Variants in APLF observed in about 807,000 individuals in gnomAD.
The protein encoded by APLF is aprataxin and PNKP like factor, also known as aprataxin and PNK-like factor.
In APLF, 61 loss-of-function variants were observed where a neutral mutation model predicts 55.6. That is an observed-to-expected ratio of 1.10 (90% CI 0.89 to 1.36). The LOEUF (loss-of-function observed/expected upper bound fraction) is 1.36. APLF is among the 40% of genes most tolerant of loss of function. The pLI is 0.00. For missense variants in APLF, 611 were observed against 602.5 expected (o/e 1.01, Z -0.15); for synonymous variants, 207 against 214.8 (o/e 0.96, Z 0.32).
At chr2:68,479,600 G>T (rs2103885176) in intron 1 of APLF, among the ~76,000 whole-genome samples, 1 of 152,280 alleles carries the variant, frequency 6.6e-6, no homozygotes, top group African/African-American at 2.4e-5. Flanking sequence ...TGTGGCAGAA[G>T]GGTTACGTTT....
At chr2:68,553,530 T>C (rs1046910670) in intron 8 of APLF, among the ~76,000 whole-genome samples, 2 of 152,142 alleles carry the variant, frequency 1.3e-5, no homozygotes, top group Non-Finnish European at 2.9e-5. Context: ...ATGCCCAGTG[T>C]ATCAGAATTA....
intron 5 of APLF, 105 bp from the exon 6 acceptor site, chr2:68,525,956 G>A: frequency 8.9e-7 from 1 of 1,117,322 alleles, no homozygotes; most frequent in African/African-American, 1.6e-5. Context: ...CACCATGTTG[G>A]CCAGGCTGGT....
chr2:68,570,627 C>T (rs1312611840), intron 9 of APLF, among the ~76,000 whole-genome samples: 1 of 152,080 alleles, frequency 6.6e-6, no homozygotes, highest in Non-Finnish European at 1.5e-5. Context: ...ATGAACTCAT[C>T]CTTTTTTATG....
intron 2 of APLF, among the ~76,000 whole-genome samples, chr2:68,500,427 C>G (rs1558533165): frequency 6.6e-6 from 1 of 152,162 alleles, no homozygotes; most frequent in African/African-American, 2.4e-5. Flanking sequence ...CATACTCAAA[C>G]AGAATATTGC....
At chr2:68,564,769 C>A (rs1671254672) in intron 8 of APLF, among the ~76,000 whole-genome samples, 1 of 151,988 alleles carries the variant, frequency 6.6e-6, no homozygotes, top group East Asian at 1.9e-4. Flanking sequence ...TCAATCATAG[C>A]ATTTCTACCT....
At chr2:68,524,061 A>G (rs940439104) in intron 5 of APLF, among the ~76,000 whole-genome samples, 1 of 151,980 alleles carries the variant, frequency 6.6e-6, no homozygotes, top group Non-Finnish European at 1.5e-5. Context: ...TTTGTGTAGA[A>G]GCTGTGTCTT....
chr2:68,471,065 T>A (rs564162835), intron 1 of APLF, among the ~76,000 whole-genome samples: 3 of 152,202 alleles, frequency 2.0e-5, no homozygotes, highest in Non-Finnish European at 4.4e-5. Context: ...GATTTGCCCT[T>A]CCCTCATTTT....
chr2:68,475,672 A>G (rs1020792036), intron 1 of APLF, among the ~76,000 whole-genome samples: 1 of 152,168 alleles, frequency 6.6e-6, no homozygotes, highest in African/African-American at 2.4e-5. Context: ...CATTCCAAAT[A>G]CGATAATGTC....
chr2:68,488,048 A>T (rs892623718), intron 1 of APLF, among the ~76,000 whole-genome samples: 2 of 152,162 alleles, frequency 1.3e-5, no homozygotes, highest in Non-Finnish European at 2.9e-5. Context: ...GAGATAGGAA[A>T]AGTTCATGTA....
intron 1 of APLF, among the ~76,000 whole-genome samples, chr2:68,483,440 C>T (rs1676027702): frequency 6.6e-6 from 1 of 152,164 alleles, no homozygotes; most frequent in Admixed American, 6.5e-5. Flanking sequence ...CTTTTGTGCT[C>T]CACAGGGATC....
chr2:68,502,914 G>A lies in APLF; in HGVS notation c.341+11G>A. The A allele has an allele frequency of 6.3e-7, 1 of 1,590,064 alleles. No homozygotes were observed. Among genetic ancestry groups the A allele is most frequent in the East Asian group, 2.3e-5 (1 of 43,548 alleles). ...GCAATGTACCTTAAGGTAAGTGCCT[G>A]ATGAAATGAGAGTAAGAATGTTATT... On this transcript the variant is annotated intron_variant, in intron 3 of 9. Transcript: ENST00000303795.
intron 1 of APLF, among the ~76,000 whole-genome samples, chr2:68,472,308 A>G (rs566295500): frequency 3.3e-5 from 5 of 152,352 alleles, no homozygotes. Context: ...GGTTTTTCCC[A>G]CAAGAGACTT....
chr2:68,505,256 A>C (rs959087055), intron 3 of APLF, among the ~76,000 whole-genome samples: 3 of 152,092 alleles, frequency 2.0e-5, no homozygotes, highest in Admixed American at 6.6e-5. Context: ...TGTTACAATA[A>C]ACTTTCATAA....
chr2:68,564,970 T>C (rs1374773080), intron 8 of APLF, among the ~76,000 whole-genome samples: 3 of 152,086 alleles, frequency 2.0e-5, no homozygotes, highest in African/African-American at 7.2e-5. Flanking sequence ...AAATATGAAT[T>C]AACTAAATAC....
In APLF at chr2:68,529,164, A is replaced by G. The variant is rs546945477; in HGVS notation, c.804+2922A>G. The stretch of plus-strand genomic sequence containing the variant: ...GCAGACAGCACGGGTTTCTTCCTTG[A>G]GGGGGGGCTCCAGACAACAGGAGGC... On this transcript the variant is annotated intron_variant, in intron 6 of 9. Transcript: ENST00000303795. This position sits in a 1 kb window ranked among gnomAD's most constrained non-coding sequence, Gnocchi z 4.4. 31 of 1,298,478 alleles carry G rather than the reference A, an allele frequency of 2.4e-5. No homozygotes were observed. In the African/African-American group the frequency reaches 4.0e-4, roughly 17 times the overall value. The allele number at this position is 1,298,478 out of a possible 1,614,324, so 80.4% of individuals were successfully genotyped here.
intron 5 of APLF, among the ~76,000 whole-genome samples, chr2:68,516,456 A>G (rs1669581367): frequency 6.6e-6 from 1 of 150,908 alleles, no homozygotes; most frequent in South Asian, 2.1e-4. Flanking sequence ...TTTTTATTTC[A>G]ACAGGTTTTT....
At chr2:68,517,223 TAA>T (rs1274592330) in intron 5 of APLF, among the ~76,000 whole-genome samples, 22 of 124,252 alleles carry the variant, frequency 1.8e-4, no homozygotes, top group African/African-American at 6.5e-4. Context: ...TTGATATATA[TAA>T]ATATATTAAT....
At chr2:68,469,375 A>G (rs1675546710) in intron 1 of APLF, among the ~76,000 whole-genome samples, 1 of 152,214 alleles carries the variant, frequency 6.6e-6, no homozygotes, top group Non-Finnish European at 1.5e-5. Flanking sequence ...AAACATGGCA[A>G]CAGATTGCAG....
At chr2:68,540,422 T>C (rs1205878689) in intron 7 of APLF, among the ~76,000 whole-genome samples, 1 of 152,198 alleles carries the variant, frequency 6.6e-6, no homozygotes, top group East Asian at 1.9e-4. Context: ...GATGGGCATT[T>C]GGGTTGGTTC....
Sources: gnomAD v4.1 joint callset for allele counts (sites outside exome capture counted in the v4.1 genomes callset) on GRCh38, gnomAD v4.1.1 for gene constraint, Gnocchi (gnomAD v3.1) non-coding constraint, MANE v1.5 for transcripts, NCBI Gene and HGNC (gene_info 2026-07-23, HGNC 2026-07-21) for gene names.